The following TMOD1 variants were observed in gnomAD, a reference collection of about 807,000 sequenced individuals.
TMOD1 encodes tropomodulin-1.
In TMOD1, 17 loss-of-function variants were observed where a neutral mutation model predicts 40.6. That is an observed-to-expected ratio of 0.42 (90% CI 0.29 to 0.63). TMOD1 has a LOEUF of 0.63. Among genes scored for constraint, TMOD1 ranks in the 20% least tolerant of loss-of-function variants. The probability of loss-of-function intolerance (pLI) is 0.22; values close to 1 mark genes in which losing one functional copy is unlikely to be tolerated. For missense variants in TMOD1, 391 were observed against 447.6 expected, an observed-to-expected ratio of 0.87 and a Z score of 1.14; for synonymous variants, 181 against 175.0, an observed-to-expected ratio of 1.03 and a Z score of -0.27.
At chr9:97,521,159 G>A (rs1829909175) in intron 1 of TMOD1, among the ~76,000 whole-genome samples, 3 of 152,176 alleles carry the variant, frequency 2.0e-5, no homozygotes, top group Admixed American at 2.0e-4. Context: ...CAAAAAGCGT[G>A]TTTTCCAAAC....
chr9:97,558,127 C>T (rs1291584657), intron 4 of TMOD1, among the ~76,000 whole-genome samples: 1 of 152,216 alleles, frequency 6.6e-6, no homozygotes, highest in East Asian at 1.9e-4. Context: ...CTCTTTCCCT[C>T]CTTTCTTCTT....
At position 97,581,928 on chromosome 9, in the gene TMOD1, T is replaced by G. The variant is rs1427957310; in HGVS notation, c.871-9363T>G. 6.0e-5 allele frequency among the ~76,000 whole-genome samples: 9 copies of G among 149,150 alleles called. No homozygotes were observed. In the East Asian group the frequency reaches 1.8e-3, roughly 30 times the overall value. On this transcript the variant is annotated intron_variant, in intron 8 of 9. Transcript: ENST00000259365. Reference sequence around the variant, plus strand: ...GTCAGATGAGTAGGTTGCGAAAATTTTCTCCCATTTTGTAGGTTGCCTGTT... The same window carrying G: ...GTCAGATGAGTAGGTTGCGAAAATTGTCTCCCATTTTGTAGGTTGCCTGTT...
intron 8 of TMOD1, among the ~76,000 whole-genome samples, chr9:97,575,111 C>T (rs1830907809): frequency 6.6e-6 from 1 of 152,250 alleles, no homozygotes; most frequent in Non-Finnish European, 1.5e-5. Context: ...AATCTTGCCA[C>T]TGCTCACTCT....
intron 8 of TMOD1, among the ~76,000 whole-genome samples, chr9:97,569,796 A>T (rs570044451): frequency 6.7e-4 from 88 of 132,032 alleles, no homozygotes; most frequent in African/African-American, 2.3e-3. Context: ...AGACAGGCCA[A>T]AGATAAGCCC....
intron 8 of TMOD1, among the ~76,000 whole-genome samples, chr9:97,578,113 T>C (rs188254230): frequency 8.8e-4 from 134 of 152,302 alleles, no homozygotes; most frequent in African/African-American, 3.1e-3. Flanking sequence ...TGGAGTACAG[T>C]GGCATGATCT....
chr9:97,560,657 A>AT (rs1441031794), intron 4 of TMOD1, among the ~76,000 whole-genome samples: 2 of 115,814 alleles, frequency 1.7e-5, no homozygotes, highest in Non-Finnish European at 3.7e-5. Context: ...AAAATACAAT[A>AT]TTTTTTGTAT....
intron 7 of TMOD1, among the ~76,000 whole-genome samples, chr9:97,566,437 A>C (rs1374115060): frequency 4.6e-5 from 7 of 152,278 alleles, no homozygotes; most frequent in African/African-American, 1.7e-4. Context: ...TTGGGAGGTC[A>C]AGACGGGTGG....
At chr9:97,528,634 T>C (rs1323938730) in intron 2 of TMOD1, among the ~76,000 whole-genome samples, 1 of 152,222 alleles carries the variant, frequency 6.6e-6, no homozygotes, top group East Asian at 1.9e-4. Flanking sequence ...TCACCCTCCC[T>C]TGGCCCATGC....
chr9:97,599,708 G>A lies in TMOD1; in HGVS notation c.*10G>A. On this transcript the variant is annotated 3_prime_UTR_variant, in exon 10 of 10. Transcript: ENST00000259365. ...CCGGAGTGGTGTCTAGTGTGTGGCG[G>A]TGGAGTCCATGCCTTTGAACTGGAT... The A allele has an allele frequency of 6.2e-7, 1 of 1,614,148 alleles. No homozygotes were observed. Among genetic ancestry groups the A allele is most frequent in the Middle Eastern group, 1.7e-4 (1 of 6,048 alleles).
intron 8 of TMOD1, among the ~76,000 whole-genome samples, chr9:97,589,515 G>A (rs1587963272): frequency 6.6e-6 from 1 of 151,246 alleles, no homozygotes; most frequent in Non-Finnish European, 1.5e-5. Flanking sequence ...TCTTGACCTC[G>A]TGATCCACCC....
intron 8 of TMOD1, among the ~76,000 whole-genome samples, chr9:97,576,665 G>C (rs1830945556): frequency 6.7e-6 from 1 of 148,964 alleles, no homozygotes; most frequent in Admixed American, 6.7e-5. Context: ...ACGGAGTCTT[G>C]CTCTGTTGCC....
chr9:97,524,495 A>AC (rs1385975880), intron 2 of TMOD1, among the ~76,000 whole-genome samples, 187 bp downstream of exon 2: 21 of 92,396 alleles, frequency 2.3e-4, no homozygotes, highest in African/African-American at 9.6e-4. Flanking sequence ...GAGAACCAAT[A>AC]GGGTGTGTGT....
At chr9:97,507,735 A>T (rs975605975) in intron 1 of TMOD1, among the ~76,000 whole-genome samples, 2 of 152,200 alleles carry the variant, frequency 1.3e-5, no homozygotes, top group African/African-American at 4.8e-5. Flanking sequence ...GGACACTCAA[A>T]TTGGCTCTGA....
intron 3 of TMOD1, among the ~76,000 whole-genome samples, chr9:97,550,260 A>G (rs956504954): frequency 7.2e-5 from 11 of 152,238 alleles, no homozygotes; most frequent in Non-Finnish European, 1.3e-4. Flanking sequence ...CAATTTGTGT[A>G]TCCATTCATC....
chr9:97,508,003 G>T (rs1278130960), intron 1 of TMOD1, among the ~76,000 whole-genome samples: 1 of 151,226 alleles, frequency 6.6e-6, no homozygotes, highest in African/African-American at 2.4e-5. Context: ...TTAGTCCTTT[G>T]GGGGGCCTTA....
intron 8 of TMOD1, among the ~76,000 whole-genome samples, chr9:97,570,665 G>A (rs1470984441): frequency 6.6e-6 from 1 of 152,182 alleles, no homozygotes; most frequent in Non-Finnish European, 1.5e-5. Flanking sequence ...GAGCTTCCCA[G>A]AAGCTGGTGC....
At chr9:97,514,240 T>TTGG (rs1554753234) in intron 1 of TMOD1, among the ~76,000 whole-genome samples, 1 of 87,870 alleles carries the variant, frequency 1.1e-5, no homozygotes, top group African/African-American at 4.0e-5. Flanking sequence ...GTTTTTTTTT[T>TTGG]GGGGGGGGGG....
At chr9:97,594,784 C>T (rs759431960) in intron 9 of TMOD1, among the ~76,000 whole-genome samples, 13 of 152,202 alleles carry the variant, frequency 8.5e-5, no homozygotes, top group Non-Finnish European at 1.2e-4. Context: ...ATCCCATCTG[C>T]GTTTTCCCAC....
chr9:97,572,265 G>A lies in TMOD1; in HGVS notation c.870+3228G>A, dbSNP rs569127496. Among the ~76,000 whole-genome samples the A allele has an allele frequency of 2.6e-5, 4 of 152,232 alleles. No homozygotes were observed. The South Asian group carries it at 6.2e-4, about 24-fold the overall frequency. On this transcript the variant is annotated intron_variant, in intron 8 of 9. Transcript: ENST00000259365. ...ATGGAGCCCATCCACACAGGCTCACGGTACCCCCAGAGGAAAGCCAGAAAG... is the reference window on the plus strand; with the variant it reads ...ATGGAGCCCATCCACACAGGCTCACAGTACCCCCAGAGGAAAGCCAGAAAG...
Sources: allele counts gnomAD v4.1 joint callset (sites outside exome capture counted in the v4.1 genomes callset), GRCh38; gene constraint gnomAD v4.1.1; transcripts MANE v1.5; gene names NCBI Gene and HGNC (gene_info 2026-07-23, HGNC 2026-07-21).